Variants in IQCH observed in about 807,000 individuals in gnomAD.
IQCH encodes the protein IQ motif containing H.
In IQCH, 98 loss-of-function variants were observed where a neutral mutation model predicts 117.0. The observed-to-expected ratio is 0.84, with a 90% CI of 0.71 to 0.99. The LOEUF is 0.99. Among genes scored for constraint, IQCH ranks in the 50% least tolerant of loss-of-function variants. The pLI, the probability that IQCH is intolerant of heterozygous loss-of-function variation, is 0.00. For synonymous variants in IQCH, 412 were observed against 448.2 expected (o/e 0.92, Z 1.02); for missense variants, 1,102 against 1,243.8 (o/e 0.89, Z 1.72).
chr15:67,299,659 C>T (rs566533982), intron 4 of IQCH, among the ~76,000 whole-genome samples: 3 of 152,194 alleles, frequency 2.0e-5, no homozygotes, highest in South Asian at 4.1e-4. Context: ...ATAGGTTCTT[C>T]CCACAGTCTG....
intron 6 of IQCH, among the ~76,000 whole-genome samples, chr15:67,352,028 T>C (rs759932437): frequency 4.6e-5 from 7 of 152,136 alleles, no homozygotes; most frequent in Non-Finnish European, 1.0e-4. Context: ...CCTTGCCCTG[T>C]TTTGTTGCTA....
At chr15:67,299,708 G>T in intron 4 of IQCH, among the ~76,000 whole-genome samples, 1 of 152,198 alleles carries the variant, frequency 6.6e-6, no homozygotes, top group Admixed American at 6.5e-5. Context: ...CATTTTACAT[G>T]TTCCTGTCTC....
At chr15:67,438,724 G>T (rs769236988) in intron 16 of IQCH, among the ~76,000 whole-genome samples, 1 of 152,206 alleles carries the variant, frequency 6.6e-6, no homozygotes, top group Non-Finnish European at 1.5e-5. Flanking sequence ...GGCATTTCAT[G>T]CAACCGGACA....
intron 15 of IQCH, among the ~76,000 whole-genome samples, chr15:67,418,511 T>TCCC (rs1161884667): frequency 1.8e-4 from 5 of 28,272 alleles, no homozygotes; most frequent in Non-Finnish European, 2.9e-4. Context: ...ATCAAGTGGC[T>TCCC]ACCACACACA....
At chr15:67,444,860 C>T (rs1380773361) in intron 16 of IQCH, among the ~76,000 whole-genome samples, 1 of 152,122 alleles carries the variant, frequency 6.6e-6, no homozygotes, top group Non-Finnish European at 1.5e-5. Flanking sequence ...AGCTTTTTAA[C>T]TTAATTAAAT....
chr15:67,341,330 A>T (rs1450873647), intron 5 of IQCH, among the ~76,000 whole-genome samples: 2 of 152,256 alleles, frequency 1.3e-5, no homozygotes, highest in African/African-American at 4.8e-5. Context: ...TCCTAATTTG[A>T]GCTCAAAATA....
At chr15:67,368,210 G>C (rs137909273) in intron 8 of IQCH, among the ~76,000 whole-genome samples, 3 of 152,168 alleles carry the variant, frequency 2.0e-5, no homozygotes, top group Non-Finnish European at 4.4e-5. Context: ...CTCTGGGCCC[G>C]TAATAGCCTA....
Position 67,408,066 on chromosome 15 carries a change from T to A in IQCH, c.2097+7761T>A, listed in dbSNP as rs1227002697. 6.6e-6 allele frequency: 1 copy of A among 152,202 alleles called. No individual in the cohort carries two copies. Among genetic ancestry groups the A allele is most frequent in the Non-Finnish European group, 1.5e-5 (1 of 68,038 alleles). The allele number at this position is 152,202 out of a possible 1,614,324, so 9.4% of individuals were successfully genotyped here. On this transcript the variant is annotated intron_variant, in intron 14 of 20. Coordinates refer to ENST00000335894, the MANE Select transcript of IQCH (RefSeq NM_001031715.3). This position sits in a 1 kb window ranked among gnomAD's most constrained non-coding sequence, Gnocchi z 4.2. ...AGTGAGGCGCTATCGCCGCTTCAGCTCCAGGGTTGGCGGCCATATGGATCC... is the reference window on the plus strand; with the variant it reads ...AGTGAGGCGCTATCGCCGCTTCAGCACCAGGGTTGGCGGCCATATGGATCC...
intron 8 of IQCH, chr15:67,371,556 T>C (rs1309327429): frequency 7.1e-7 from 1 of 1,414,428 alleles, no homozygotes; most frequent in African/African-American, 1.4e-5. Flanking sequence ...AACATAATGT[T>C]CCTTGTAAAA....
chr15:67,465,220 T>C lies in IQCH; in HGVS notation c.2599T>C (p.Leu867=), dbSNP rs746166684. The C allele has an allele frequency of 8.1e-6, 13 of 1,614,116 alleles. No individual in the cohort carries two copies. The highest frequency in any genetic ancestry group is 1.1e-5 in the Non-Finnish European group (13 of 1,180,020). ...GACAAACGGCCATCTGGATTGCAGTTTGAGCACCCTGGAAGTGCCCCGCTT... is the reference window on the plus strand; with the variant it reads ...GACAAACGGCCATCTGGATTGCAGTCTGAGCACCCTGGAAGTGCCCCGCTT... The part of the protein sequence containing the change: ...YLTNGHLDCS[L]STLEVPRFVP... The change falls in exon 17 of 21, where the codon TTG becomes CTG. Residue 867 remains leucine, a synonymous_variant. Coordinates refer to ENST00000335894, the MANE Select transcript of IQCH (RefSeq NM_001031715.3). This position sits in a 1 kb window ranked among gnomAD's most constrained non-coding sequence, Gnocchi z 5.9.
At chr15:67,294,764 T>C (rs752335828) in intron 4 of IQCH, among the ~76,000 whole-genome samples, 2 of 152,204 alleles carry the variant, frequency 1.3e-5, no homozygotes, top group Non-Finnish European at 2.9e-5. Context: ...CATGTGAGAA[T>C]AGACCCCAGT....
intron 4 of IQCH, among the ~76,000 whole-genome samples, chr15:67,296,989 A>G (rs531341687): frequency 2.6e-5 from 4 of 152,308 alleles, no homozygotes; most frequent in African/African-American, 9.6e-5. Context: ...CAACTCCTGT[A>G]GGAATGAGAA....
chr15:67,399,468 A>ATGT (rs5813444), intron 13 of IQCH, among the ~76,000 whole-genome samples: 152,027 of 152,240 alleles, frequency 1, 75,907 homozygotes, highest in Non-Finnish European at 1. Context: ...TCTTGAGGAA[A>ATGT]TGTTTCAAAT....
rs1284935687 is a variant in IQCH, at chr15:67,393,970, T to C, written c.1633-1321T>C. On this transcript the variant is annotated intron_variant, in intron 12 of 20. Coordinates refer to ENST00000335894, the MANE Select transcript of IQCH (RefSeq NM_001031715.3). This position sits in a 1 kb window ranked among gnomAD's most constrained non-coding sequence, Gnocchi z 5.5. The stretch of plus-strand genomic sequence containing the variant: ...CAAATGGGTAATTTTTATTCTTATC[T>C]AACAGGTGAAGAAATAGGCTCAGGG... Among the ~76,000 whole-genome samples the C allele has an allele frequency of 6.6e-6, 1 of 152,192 alleles. No homozygotes were observed. Among genetic ancestry groups the C allele is most frequent in the African/African-American group, 2.4e-5 (1 of 41,440 alleles).
At position 67,424,306 on chromosome 15, in the gene IQCH, G is replaced by C. The variant is rs1007894333; in HGVS notation, c.2505+2729G>C. Among the ~76,000 whole-genome samples the C allele has an allele frequency of 6.6e-6, 1 of 152,098 alleles. No individual in the cohort carries two copies. Among genetic ancestry groups the C allele is most frequent in the Non-Finnish European group, 1.5e-5 (1 of 68,014 alleles). On this transcript the variant is annotated intron_variant, in intron 16 of 20. Transcript: ENST00000335894. This position sits in a 1 kb window ranked among gnomAD's most constrained non-coding sequence, Gnocchi z 4.9. ...CCCCTTTTCCAGCCATCACATTTCA[G>C]CTCAAGCCACATTGACTGAAGCGCT...
chr15:67,326,014 C>T (rs772515680), intron 4 of IQCH, among the ~76,000 whole-genome samples: 6 of 152,062 alleles, frequency 3.9e-5, no homozygotes, highest in Non-Finnish European at 5.9e-5. Flanking sequence ...ATGTGCACAA[C>T]GTGCAGGTTT....
intron 4 of IQCH, among the ~76,000 whole-genome samples, chr15:67,285,767 T>G (rs1018649180): frequency 9.9e-5 from 15 of 152,130 alleles, no homozygotes; most frequent in African/African-American, 3.6e-4. Context: ...GTTGTAGGTG[T>G]GCAGTCTTAT....
In IQCH at chr15:67,390,495, T is replaced by C. The variant is rs1007800732; in HGVS notation, c.1632+1489T>C. Among the ~76,000 whole-genome samples, 1 of 152,062 alleles carries C rather than the reference T, an allele frequency of 6.6e-6. No individual in the cohort carries two copies. The highest frequency in any genetic ancestry group is 2.4e-5 in the African/African-American group (1 of 41,404). Reference sequence around the variant, plus strand: ...AATTCTTAGCATACAGTTTCTTTTTTTCTTTTTTTTTGAGACAGAGTCTCA... The same window carrying C: ...AATTCTTAGCATACAGTTTCTTTTTCTCTTTTTTTTTGAGACAGAGTCTCA... On this transcript the variant is annotated intron_variant, in intron 12 of 20. Transcript: ENST00000335894. The surrounding 1 kb of genome is among the most constrained non-coding windows in gnomAD (Gnocchi z 5.0).
At chr15:67,469,714 C>A (rs1043131957) in intron 17 of IQCH, among the ~76,000 whole-genome samples, 5 of 152,224 alleles carry the variant, frequency 3.3e-5, no homozygotes, top group African/African-American at 1.2e-4. Context: ...CTTTACTCCA[C>A]CCCGAGTACT....
Sources: gnomAD v4.1 joint callset for allele counts (sites outside exome capture counted in the v4.1 genomes callset) on GRCh38, gnomAD v4.1.1 for gene constraint, Gnocchi (gnomAD v3.1) non-coding constraint, MANE v1.5 for transcripts, NCBI Gene and HGNC (gene_info 2026-07-23, HGNC 2026-07-21) for gene names.